The following PCDHGB6 variants were observed in gnomAD, a reference collection of about 807,000 sequenced individuals.
PCDHGB6 encodes the protein protocadherin gamma-B6.
Under a neutral mutation model 59.1 loss-of-function variants are expected in PCDHGB6, and 51 were observed. That is an observed-to-expected ratio of 0.86 (90% confidence interval 0.69 to 1.09). The LOEUF (loss-of-function observed/expected upper bound fraction) is 1.09. Among genes scored for constraint, PCDHGB6 ranks in the 50% least tolerant of loss-of-function variants. PCDHGB6 has a pLI of 0.00. For synonymous variants in PCDHGB6, 466 were observed against 495.1 expected (o/e 0.94, Z 0.78); for missense variants, 1,148 against 1,205.1 (o/e 0.95, Z 0.70).
intron 1 of PCDHGB6, chr5:141,413,956 G>A (rs2095696052): frequency 2.5e-6 from 4 of 1,613,366 alleles, no homozygotes; most frequent in African/African-American, 2.7e-5. Flanking sequence ...GAATTTGCCT[G>A]TGGGCACTCA....
intron 1 of PCDHGB6, among the ~76,000 whole-genome samples, chr5:141,457,656 G>T (rs2098926936): frequency 6.6e-6 from 1 of 152,244 alleles, no homozygotes; most frequent in Non-Finnish European, 1.5e-5. Context: ...ATGAAGTGCA[G>T]CAAGAATGGT....
chr5:141,414,193 A>C, intron 1 of PCDHGB6: 1 of 1,610,884 alleles, frequency 6.2e-7, no homozygotes, highest in Admixed American at 1.7e-5. Context: ...AGTGTTGATT[A>C]CAGTAGAAGA....
At chr5:141,427,999 T>C (rs1319115693) in intron 1 of PCDHGB6, 9 of 1,601,068 alleles carry the variant, frequency 5.6e-6, no homozygotes, top group African/African-American at 1.3e-5. Context: ...GGCTCCGCAC[T>C]CTTCGATATA....
In PCDHGB6 at chr5:141,410,224, C is replaced by T; in HGVS notation, c.2022C>T (p.Asp674=). 2 of 1,614,028 alleles carry T rather than the reference C, an allele frequency of 1.2e-6. No homozygotes were observed. Among genetic ancestry groups the T allele is most frequent in the Non-Finnish European group, 8.5e-7 (1 of 1,179,872 alleles). ...FADNLQEILP[D]LSDRPVLSDP... ...ACAACTTGCAAGAGATACTGCCAGA[C>T]CTCAGCGACCGCCCTGTACTCTCTG... Residue 674 remains aspartate, a synonymous_variant, in exon 1 of 4, where the codon GAC becomes GAT. Coordinates refer to ENST00000520790, the MANE Select transcript of PCDHGB6 (RefSeq NM_018926.3).
At chr5:141,453,989 A>T (rs902043628) in intron 1 of PCDHGB6, among the ~76,000 whole-genome samples, 6 of 152,256 alleles carry the variant, frequency 3.9e-5, no homozygotes, top group African/African-American at 1.4e-4. Context: ...CCTTCCAGTG[A>T]TAAACCCACA....
intron 1 of PCDHGB6, chr5:141,422,654 C>T: frequency 1.2e-6 from 2 of 1,610,030 alleles, no homozygotes; most frequent in Non-Finnish European, 1.7e-6. Flanking sequence ...TTCTCAGTGA[C>T]CGCCCTCGAC....
chr5:141,433,042 G>C (rs752612411), intron 1 of PCDHGB6: 6 of 1,614,142 alleles, frequency 3.7e-6, no homozygotes, highest in Non-Finnish European at 5.1e-6. Flanking sequence ...CCCTCACCAC[G>C]GACTCGCGGA....
intron 1 of PCDHGB6, chr5:141,419,126 G>A: frequency 6.2e-7 from 1 of 1,613,770 alleles, no homozygotes; most frequent in Non-Finnish European, 8.5e-7. Context: ...CGTCACCATC[G>A]CAGCCACAGA....
rs1051300319 is a variant in PCDHGB6 at position 141,491,957 on chromosome 5, A to T, written c.2419-2850A>T. ...GACCGACCCCCACCCCTACACTCAA[A>T]AAAGGCCGGGGCCTCCTTCGAGCTT... is the stretch of plus-strand genomic sequence containing the variant. On this transcript the variant is annotated intron_variant, in intron 1 of 3. Coordinates refer to ENST00000520790, the MANE Select transcript of PCDHGB6 (RefSeq NM_018926.3). The surrounding 1 kb of genome is among the most constrained non-coding windows in gnomAD (Gnocchi z 6.9). 3.6e-5 allele frequency: 37 copies of T among 1,020,096 alleles called. No individual in the cohort carries two copies. The highest frequency in any genetic ancestry group is 5.0e-5 in the Non-Finnish European group (37 of 736,248). The allele number at this position is 1,020,096 out of a possible 1,614,324, so 63.2% of individuals were successfully genotyped here.
intron 1 of PCDHGB6, among the ~76,000 whole-genome samples, chr5:141,447,725 C>T (rs1009407606): frequency 1.3e-5 from 2 of 152,174 alleles, no homozygotes; most frequent in African/African-American, 4.8e-5. Context: ...TTTTCCAAAA[C>T]TCATTGAACT....
intron 1 of PCDHGB6, chr5:141,418,882 C>G: frequency 1.2e-6 from 2 of 1,613,960 alleles, no homozygotes; most frequent in Non-Finnish European, 1.7e-6. Flanking sequence ...TAGACGAAAA[C>G]GACAACAGCC....
At chr5:141,478,505 T>C (rs1298083274) in intron 1 of PCDHGB6, 3 of 1,612,032 alleles carry the variant, frequency 1.9e-6, no homozygotes, top group Non-Finnish European at 2.5e-6. Context: ...TCCGGTGTTC[T>C]ATAGGCAGGT....
At chr5:141,497,142 C>T (rs1316569011) in intron 2 of PCDHGB6, among the ~76,000 whole-genome samples, 2 of 149,678 alleles carry the variant, frequency 1.3e-5, no homozygotes, top group South Asian at 2.1e-4. Context: ...GCTGAGATCA[C>T]GAAAAAAAAA....
chr5:141,512,068 C>T lies in PCDHGB6; in HGVS notation c.*895C>T, dbSNP rs1215311369. 6.6e-6 allele frequency: 1 copy of T among 152,664 alleles called. No individual in the cohort carries two copies. The highest frequency in any genetic ancestry group is 1.5e-5 in the Non-Finnish European group (1 of 68,066). The allele number at this position is 152,664 out of a possible 1,614,324, so 9.5% of individuals were successfully genotyped here. On this transcript the variant is annotated 3_prime_UTR_variant, in exon 4 of 4. Transcript: ENST00000520790. The stretch of plus-strand genomic sequence containing the variant: ...TCCTCAGGGGACTGACAACATCCTC[C>T]AGATTCCAGCCATAAACCAATAACT...
chr5:141,427,883 C>G (rs2097084423), intron 1 of PCDHGB6: 3 of 1,563,818 alleles, frequency 1.9e-6, no homozygotes, highest in Non-Finnish European at 1.7e-6. Flanking sequence ...TGCAGGCCCA[C>G]GACCAGGGCT....
chr5:141,500,680 T>C (rs999167635), intron 2 of PCDHGB6, among the ~76,000 whole-genome samples: 7 of 152,224 alleles, frequency 4.6e-5, no homozygotes, highest in Non-Finnish European at 7.3e-5. Context: ...AACAGAATTA[T>C]AGCTTTTTTC....
At chr5:141,478,498 G>A in intron 1 of PCDHGB6, 8 of 1,612,712 alleles carry the variant, frequency 5.0e-6, no homozygotes, top group South Asian at 1.1e-5. Context: ...GCTGTGATCC[G>A]GTGTTCTATA....
Position 141,477,797 on chromosome 5 carries a change from A to G in PCDHGB6, c.2419-17010A>G. ...CGTGAACATATTTGTCACTGATCGC[A>G]ATGACAATGCCCCCCAGGTCCTATA... On this transcript the variant is annotated intron_variant, in intron 1 of 3. Coordinates refer to ENST00000520790, the MANE Select transcript of PCDHGB6 (RefSeq NM_018926.3). This position sits in a 1 kb window ranked among gnomAD's most constrained non-coding sequence, Gnocchi z 4.9. 1.2e-6 allele frequency: 2 copies of G among 1,614,082 alleles called. No individual in the cohort carries two copies. Among genetic ancestry groups the G allele is most frequent in the Non-Finnish European group, 1.7e-6 (2 of 1,180,032 alleles).
chr5:141,413,024 C>A, intron 1 of PCDHGB6: 2 of 736,250 alleles, frequency 2.7e-6, no homozygotes, highest in Non-Finnish European at 4.2e-6. Flanking sequence ...ACAAGCCCCA[C>A]AAACCGGCTG....
Sources: gnomAD v4.1 joint callset for allele counts (sites outside exome capture counted in the v4.1 genomes callset) on GRCh38, gnomAD v4.1.1 for gene constraint, Gnocchi (gnomAD v3.1) non-coding constraint, MANE v1.5 for transcripts, NCBI Gene and HGNC (gene_info 2026-07-23, HGNC 2026-07-21) for gene names.